The following DNAJC1 variants were observed in gnomAD, a reference collection of about 807,000 sequenced individuals.
The protein encoded by DNAJC1 is DnaJ heat shock protein family (Hsp40) member C1.
DNAJC1 carries 58 observed loss-of-function variants against 76.6 expected under a neutral mutation model. The observed-to-expected ratio is 0.76, with a 90% CI of 0.61 to 0.94. The LOEUF is 0.94. Ranked by LOEUF, DNAJC1 falls within the 40% of genes least tolerant of loss-of-function variation. The pLI, the probability that DNAJC1 is intolerant of heterozygous loss-of-function variation, is 0.00. For synonymous variants in DNAJC1, 258 were observed against 267.9 expected, an observed-to-expected ratio of 0.96 and a Z score of 0.36; for missense variants, 689 against 677.3, an observed-to-expected ratio of 1.02 and a Z score of -0.19.
chr10:21,861,406 A>G (rs1835915155), intron 8 of DNAJC1, among the ~76,000 whole-genome samples: 1 of 152,166 alleles, frequency 6.6e-6, no homozygotes, highest in East Asian at 1.9e-4. Flanking sequence ...TGTCAGTATT[A>G]ATATTATATA....
intron 1 of DNAJC1, among the ~76,000 whole-genome samples, chr10:21,939,415 A>G (rs1390805482): frequency 6.6e-6 from 1 of 152,220 alleles, no homozygotes; most frequent in Admixed American, 6.5e-5. Context: ...AATACAGTCA[A>G]TGCAGTGCAT....
chr10:21,888,188 C>T (rs1564817993), intron 7 of DNAJC1, among the ~76,000 whole-genome samples: 1 of 152,062 alleles, frequency 6.6e-6, no homozygotes, highest in East Asian at 1.9e-4. Context: ...CAATGAGATA[C>T]CATCTCTATC....
At chr10:21,792,681 C>G (rs1377826919) in intron 9 of DNAJC1, among the ~76,000 whole-genome samples, 1 of 151,662 alleles carries the variant, frequency 6.6e-6, no homozygotes, top group Non-Finnish European at 1.5e-5. Flanking sequence ...ATTGCTTGAA[C>G]CCGGGAGGCA....
At chr10:21,857,711 C>G (rs2131695443) in intron 8 of DNAJC1, among the ~76,000 whole-genome samples, 1 of 152,172 alleles carries the variant, frequency 6.6e-6, no homozygotes, top group South Asian at 2.1e-4. Context: ...CAAAAATTAT[C>G]TGGGCATGGT....
chr10:21,954,007 G>A (rs1301076508), intron 1 of DNAJC1, among the ~76,000 whole-genome samples: 2 of 151,786 alleles, frequency 1.3e-5, no homozygotes, highest in Non-Finnish European at 2.9e-5. Flanking sequence ...ACTGTACACT[G>A]TCTCTCAATC....
At chr10:21,966,477 G>T (rs1837891354) in intron 1 of DNAJC1, among the ~76,000 whole-genome samples, 4 of 150,234 alleles carry the variant, frequency 2.7e-5, no homozygotes, top group Non-Finnish European at 1.5e-5. Context: ...TGTTAACTGG[G>T]ATTCTACTGT....
chr10:21,869,725 CG>C (rs1489030637), intron 8 of DNAJC1, among the ~76,000 whole-genome samples: 2 of 152,022 alleles, frequency 1.3e-5, no homozygotes, highest in Non-Finnish European at 2.9e-5. Context: ...TTCTATACCT[CG>C]TTTGGAGAAG....
intron 9 of DNAJC1, among the ~76,000 whole-genome samples, chr10:21,778,544 T>C (rs1217147540): frequency 1.3e-5 from 2 of 152,210 alleles, no homozygotes; most frequent in African/African-American, 4.8e-5. Flanking sequence ...AATTGGGCTA[T>C]TTACTTGCAT....
At position 21,756,771 on chromosome 10, in the gene DNAJC1, AAG is replaced by A. The variant is rs1564777775; in HGVS notation, c.1597-18_1597-17del. ...TACAGTCTTCCTGTAGGAAGAAAAA[AAG>A]AGAGGTGAGAACAGTCACTTGCACA... On this transcript the variant is annotated splice_polypyrimidine_tract_variant and intron_variant, in intron 11 of 11. Transcript: ENST00000376980. The A allele has an allele frequency of 1.9e-6, 3 of 1,611,350 alleles. No individual in the cohort carries two copies. The highest frequency in any genetic ancestry group is 3.3e-5 in the Admixed American group (2 of 60,020).
At chr10:21,780,193 T>C (rs1182158815) in intron 9 of DNAJC1, among the ~76,000 whole-genome samples, 1 of 152,166 alleles carries the variant, frequency 6.6e-6, no homozygotes, top group South Asian at 2.1e-4. Context: ...CCAGGAGAAC[T>C]TCCCCAACCT....
At chr10:21,878,321 A>T (rs1836220422) in intron 8 of DNAJC1, among the ~76,000 whole-genome samples, 1 of 152,230 alleles carries the variant, frequency 6.6e-6, no homozygotes, top group East Asian at 1.9e-4. Flanking sequence ...TTAAGCCAAC[A>T]CTTGCAACAC....
At chr10:21,936,101 G>T (rs1837307846) in intron 1 of DNAJC1, among the ~76,000 whole-genome samples, 1 of 152,166 alleles carries the variant, frequency 6.6e-6, no homozygotes. Context: ...CCATGTGATG[G>T]TATTAAGAGG....
chr10:21,944,108 G>A (rs562518693), intron 1 of DNAJC1, among the ~76,000 whole-genome samples: 1 of 151,286 alleles, frequency 6.6e-6, no homozygotes, highest in East Asian at 1.9e-4. Flanking sequence ...TGCAAAACAG[G>A]AAAAGACACT....
intron 3 of DNAJC1, among the ~76,000 whole-genome samples, 163 bp from the exon 4 acceptor site, chr10:21,921,126 G>A (rs1258999048): frequency 1.3e-5 from 2 of 151,998 alleles, no homozygotes; most frequent in Non-Finnish European, 2.9e-5. Flanking sequence ...TCAAAGCACT[G>A]TAGATAGCTC....
Position 21,935,139 on chromosome 10 carries a change from G to T in DNAJC1, c.223-5998C>A, listed in dbSNP as rs112821409. ...GGTCTTCAGAGAAAAAAAATTAATA[G>T]AAATTATCCCTGAGGATGTCCACAT... is the stretch of plus-strand genomic sequence containing the variant. On this transcript the variant is annotated intron_variant, in intron 1 of 11. Transcript: ENST00000376980. Among the ~76,000 whole-genome samples, 1,072 of 152,110 alleles carry T rather than the reference G, an allele frequency of 7.0e-3. 13 individuals carry two copies. The highest frequency in any genetic ancestry group is 0.024 in the African/African-American group (1,003 of 41,488).
intron 1 of DNAJC1, among the ~76,000 whole-genome samples, chr10:21,941,705 T>C (rs529875799): frequency 6.6e-6 from 1 of 152,274 alleles, no homozygotes; most frequent in Non-Finnish European, 1.5e-5. Flanking sequence ...TTATGATTTG[T>C]GATTTGTAAT....
intron 3 of DNAJC1, 145 bp from the exon 4 acceptor site, chr10:21,921,108 G>T (rs1045112729): frequency 1.1e-5 from 8 of 740,502 alleles, no homozygotes; most frequent in African/African-American, 1.1e-4. Context: ...TTATAATATC[G>T]AGTAAATTCA....
rs190711149 is a variant in DNAJC1 at position 21,783,697 on chromosome 10, A to C, written c.1099-17388T>G. 3.9e-3 allele frequency among the ~76,000 whole-genome samples: 588 copies of C among 152,366 alleles called. 4 individuals are homozygous for C. The highest frequency in any genetic ancestry group is 6.8e-3 in the Middle Eastern group (2 of 294). ...CAAAACAGCATGGTACTGATACCAA[A>C]ACAGAGATACAGACCAATGGAACAG... On this transcript the variant is annotated intron_variant, in intron 9 of 11. Transcript: ENST00000376980.
chr10:21,766,966 C>T (rs551152209), intron 9 of DNAJC1, among the ~76,000 whole-genome samples: 1 of 137,868 alleles, frequency 7.3e-6, no homozygotes, highest in Non-Finnish European at 1.6e-5. Context: ...TGAGACCCTG[C>T]CTAAAAAAAA....
Sources: allele counts gnomAD v4.1 joint callset (sites outside exome capture counted in the v4.1 genomes callset), GRCh38; gene constraint gnomAD v4.1.1; transcripts MANE v1.5; gene names NCBI Gene and HGNC (gene_info 2026-07-23, HGNC 2026-07-21).